Variants in LRBA observed in about 807,000 individuals in gnomAD.
LRBA encodes lipopolysaccharide-responsive and beige-like anchor protein.
Under a neutral mutation model 330.0 loss-of-function variants are expected in LRBA, and 176 were observed. That is an observed-to-expected ratio of 0.53 (90% CI 0.47 to 0.60). The LOEUF (loss-of-function observed/expected upper bound fraction) is 0.60, where lower values mean the gene tolerates loss of function less well. Among genes scored for constraint, LRBA ranks in the 20% least tolerant of loss-of-function variants. LRBA has a pLI of 0.00. For missense variants in LRBA, 3,259 were observed against 3,444.8 expected, an observed-to-expected ratio of 0.95 and a Z score of 1.35; for synonymous variants, 1,230 against 1,193.0, an observed-to-expected ratio of 1.03 and a Z score of -0.64.
chr4:150,766,312 T>C (rs1236711246), intron 34 of LRBA, among the ~76,000 whole-genome samples: 1 of 152,058 alleles, frequency 6.6e-6, no homozygotes, highest in African/African-American at 2.4e-5. Flanking sequence ...TTACTAATTA[T>C]TACCATTTAA....
At chr4:150,504,081 A>G (rs544383452) in intron 40 of LRBA, among the ~76,000 whole-genome samples, 1 of 152,316 alleles carries the variant, frequency 6.6e-6, no homozygotes, top group African/African-American at 2.4e-5. Flanking sequence ...TCCAAGAAAT[A>G]TGGGACTATG....
intron 4 of LRBA, among the ~76,000 whole-genome samples, chr4:150,923,012 C>T (rs547387994): frequency 6.6e-6 from 1 of 152,106 alleles, no homozygotes; most frequent in Non-Finnish European, 1.5e-5. Context: ...TGCTCCTCAA[C>T]TTACGATAGG....
chr4:150,350,566 T>G (rs1005968078), intron 47 of LRBA, among the ~76,000 whole-genome samples: 2 of 52,328 alleles, frequency 3.8e-5, no homozygotes, highest in Non-Finnish European at 1.4e-4. Context: ...AAACTCCATC[T>G]CAAAAAAAAA....
chr4:150,374,942 G>C (rs1017621130), intron 47 of LRBA, among the ~76,000 whole-genome samples: 1 of 152,090 alleles, frequency 6.6e-6, no homozygotes, highest in Admixed American at 6.5e-5. Context: ...GGAAACAGAA[G>C]ACATAATCAG....
At chr4:150,794,937 G>A (rs1183924591) in intron 34 of LRBA, among the ~76,000 whole-genome samples, 1 of 152,140 alleles carries the variant, frequency 6.6e-6, no homozygotes, top group East Asian at 1.9e-4. Flanking sequence ...ATAGTGGACT[G>A]TTGAGTATCC....
chr4:150,923,017 G>A (rs950279228), intron 4 of LRBA, among the ~76,000 whole-genome samples: 3 of 151,932 alleles, frequency 2.0e-5, no homozygotes, highest in Non-Finnish European at 2.9e-5. Context: ...CTCAACTTAC[G>A]ATAGGGTTAC....
intron 47 of LRBA, among the ~76,000 whole-genome samples, chr4:150,365,278 A>T (rs893588000): frequency 1.4e-4 from 22 of 152,092 alleles, no homozygotes; most frequent in Non-Finnish European, 2.2e-4. Flanking sequence ...AAGAGATGGG[A>T]TTACAGGAGT....
intron 48 of LRBA, among the ~76,000 whole-genome samples, chr4:150,342,456 T>C (rs1395772885): frequency 6.6e-6 from 1 of 152,182 alleles, no homozygotes; most frequent in East Asian, 1.9e-4. Flanking sequence ...TTTTGAAAGA[T>C]TAGCATATTT....
At chr4:150,287,205 C>A (rs1298251236) in intron 53 of LRBA, among the ~76,000 whole-genome samples, 2 of 152,182 alleles carry the variant, frequency 1.3e-5, no homozygotes, top group African/African-American at 4.8e-5. Context: ...TTGGAGCAGT[C>A]ACCCACTCAG....
intron 40 of LRBA, among the ~76,000 whole-genome samples, chr4:150,533,699 A>G (rs1206888275): frequency 6.6e-6 from 1 of 152,254 alleles, no homozygotes; most frequent in Middle Eastern, 3.4e-3. Flanking sequence ...ACAGCCCTGG[A>G]GGGACGCTGC....
At chr4:150,915,949 A>C (rs566949851) in intron 7 of LRBA, among the ~76,000 whole-genome samples, 11 of 152,214 alleles carry the variant, frequency 7.2e-5, no homozygotes, top group African/African-American at 2.6e-4. Context: ...GCTTTTTATT[A>C]TGGAAATTTT....
At chr4:150,948,374 G>C (rs1422246750) in intron 2 of LRBA, among the ~76,000 whole-genome samples, 2 of 151,802 alleles carry the variant, frequency 1.3e-5, no homozygotes, top group African/African-American at 4.8e-5. Context: ...GCAATTCAAG[G>C]GAGAAAGAAG....
chr4:150,889,219 T>C (rs774809503), intron 17 of LRBA, among the ~76,000 whole-genome samples: 7 of 152,024 alleles, frequency 4.6e-5, no homozygotes, highest in Non-Finnish European at 7.4e-5. Context: ...TGTTCCATTA[T>C]TGGAACACTA....
At chr4:150,534,833 G>T (rs1764472930) in intron 40 of LRBA, among the ~76,000 whole-genome samples, 3 of 152,060 alleles carry the variant, frequency 2.0e-5, no homozygotes, top group South Asian at 4.1e-4. Flanking sequence ...TATAAAAAAT[G>T]AATTTATCAA....
At chr4:150,582,438 C>A (rs1256874209) in intron 40 of LRBA, 1 of 152,450 alleles carries the variant, frequency 6.6e-6, no homozygotes, top group East Asian at 1.9e-4. Flanking sequence ...TTGTACTTCG[C>A]AGCTCTCTGG....
chr4:151,014,337 G>A, intron 2 of LRBA, 90 bp downstream of exon 2: 1 of 1,018,818 alleles, frequency 9.8e-7, no homozygotes, highest in South Asian at 1.5e-5. Flanking sequence ...GTCACCATCA[G>A]TGTGAGTAAA....
chr4:150,759,028 C>T (rs1158459387), intron 35 of LRBA, among the ~76,000 whole-genome samples: 1 of 152,132 alleles, frequency 6.6e-6, no homozygotes, highest in African/African-American at 2.4e-5. Flanking sequence ...GATCCTCCCA[C>T]CTCACAGCTT....
chr4:150,985,499 GT>G (rs1371910902), intron 2 of LRBA, among the ~76,000 whole-genome samples: 182 of 142,642 alleles, frequency 1.3e-3, no homozygotes, highest in East Asian at 3.2e-3. Context: ...TTAATATATA[GT>G]TTTTTTTTTT....
At chr4:151,002,041 A>G (rs1743410433) in intron 2 of LRBA, among the ~76,000 whole-genome samples, 1 of 152,090 alleles carries the variant, frequency 6.6e-6, no homozygotes, top group Admixed American at 6.6e-5. Context: ...ACACAGACCC[A>G]GAATCAAAGC....
Sources: allele counts gnomAD v4.1 joint callset (sites outside exome capture counted in the v4.1 genomes callset), GRCh38; gene constraint gnomAD v4.1.1; transcripts MANE v1.5; gene names NCBI Gene and HGNC (gene_info 2026-07-23, HGNC 2026-07-21).